The following CSMD1 variants were observed in gnomAD, a reference collection of about 807,000 sequenced individuals.
CSMD1 encodes the protein CUB and sushi domain-containing protein 1.
In CSMD1, 213 loss-of-function variants were observed where a neutral mutation model predicts 417.5. The ratio of observed to expected loss-of-function variants is 0.51; its 90% CI spans 0.46 to 0.57. CSMD1 has a LOEUF of 0.57. Among genes scored for constraint, CSMD1 ranks in the 20% least tolerant of loss-of-function variants. CSMD1 has a pLI of 0.00. For synonymous variants in CSMD1, 2,862 were observed against 1,736.8 expected (o/e 1.65, Z -16.11); for missense variants, 6,923 against 4,529.7 (o/e 1.53, Z -15.17).
chr8:3,192,374 A>G (rs1796476366), intron 33 of CSMD1, among the ~76,000 whole-genome samples: 1 of 152,172 alleles, frequency 6.6e-6, no homozygotes, highest in Non-Finnish European at 1.5e-5. Flanking sequence ...TAGGGATGGG[A>G]CCCAAGTCTA....
intron 5 of CSMD1, among the ~76,000 whole-genome samples, chr8:3,818,609 A>G (rs1801532402): frequency 6.6e-6 from 1 of 152,066 alleles, no homozygotes; most frequent in African/African-American, 2.4e-5. Flanking sequence ...GAAAAGGGAG[A>G]AACAGGGTCC....
intron 52 of CSMD1, among the ~76,000 whole-genome samples, chr8:3,017,264 T>A (rs1315725070): frequency 6.6e-6 from 1 of 152,138 alleles, no homozygotes; most frequent in East Asian, 1.9e-4. Context: ...GAAGAGCTTG[T>A]CCATATCAAA....
intron 10 of CSMD1, among the ~76,000 whole-genome samples, chr8:3,544,446 C>T (rs1337470441): frequency 6.6e-6 from 1 of 152,070 alleles, no homozygotes; most frequent in East Asian, 1.9e-4. Flanking sequence ...CTCTTACTCT[C>T]GGGAACGCCT....
intron 10 of CSMD1, among the ~76,000 whole-genome samples, chr8:3,517,267 T>C (rs751895727): frequency 4.6e-5 from 7 of 151,712 alleles, no homozygotes; most frequent in Non-Finnish European, 7.4e-5. Flanking sequence ...AGACACAGAG[T>C]TGTGAATCAC....
At chr8:3,001,324 G>T (rs1042124314) in intron 52 of CSMD1, among the ~76,000 whole-genome samples, 2 of 151,948 alleles carry the variant, frequency 1.3e-5, no homozygotes, top group Non-Finnish European at 2.9e-5. Context: ...TCCCTCTTCT[G>T]CCTCTTTACT....
chr8:4,186,356 C>A (rs560488164), intron 3 of CSMD1, among the ~76,000 whole-genome samples: 1 of 152,104 alleles, frequency 6.6e-6, no homozygotes, highest in Non-Finnish European at 1.5e-5. Context: ...TGGGCTGATT[C>A]CTATCTTCGT....
At position 4,441,678 on chromosome 8, in the gene CSMD1, C is replaced by G. The variant is rs73660811; in HGVS notation, c.303-21613G>C. ...GTCACATTTTTTTCTAAAATATTTA[C>G]AGGTATCTTTCAAATACCAATTAAA... is the stretch of plus-strand genomic sequence containing the variant. On this transcript the variant is annotated intron_variant, in intron 2 of 69. Coordinates refer to ENST00000635120, the MANE Select transcript of CSMD1 (RefSeq NM_033225.6). 7.5e-3 allele frequency among the ~76,000 whole-genome samples: 1,135 copies of G among 152,124 alleles called. 10 individuals carry two copies. Among genetic ancestry groups the G allele is most frequent in the African/African-American group, 0.026 (1,076 of 41,494 alleles).
intron 2 of CSMD1, among the ~76,000 whole-genome samples, chr8:4,439,551 G>A (rs949502469): frequency 2.0e-5 from 3 of 152,066 alleles, no homozygotes; most frequent in Admixed American, 6.6e-5. Flanking sequence ...TTTGAAGTAT[G>A]AGTTTACTAT....
At chr8:3,057,265 T>A (rs1185113819) in intron 49 of CSMD1, among the ~76,000 whole-genome samples, 2 of 152,212 alleles carry the variant, frequency 1.3e-5, no homozygotes, top group African/African-American at 4.8e-5. Context: ...GTTATTTTCC[T>A]CAATTTGAAT....
intron 50 of CSMD1, among the ~76,000 whole-genome samples, chr8:3,046,994 A>G (rs1199334807): frequency 1.3e-5 from 2 of 152,042 alleles, no homozygotes; most frequent in Non-Finnish European, 2.9e-5. Context: ...TGAATCATGA[A>G]GTCAGGAGTT....
intron 2 of CSMD1, among the ~76,000 whole-genome samples, chr8:4,444,043 A>T (rs1184117275): frequency 1.3e-5 from 2 of 152,126 alleles, no homozygotes; most frequent in Non-Finnish European, 2.9e-5. Flanking sequence ...TATCTTTGAG[A>T]AGAGTAAGAT....
At chr8:4,193,107 C>T (rs926611785) in intron 3 of CSMD1, among the ~76,000 whole-genome samples, 3 of 152,136 alleles carry the variant, frequency 2.0e-5, no homozygotes, top group African/African-American at 7.2e-5. Context: ...CTTAAATTTA[C>T]TTTGAATTCT....
At chr8:4,702,108 G>A (rs544476441) in intron 1 of CSMD1, among the ~76,000 whole-genome samples, 1 of 152,264 alleles carries the variant, frequency 6.6e-6, no homozygotes, top group East Asian at 1.9e-4. Flanking sequence ...GAGCCTGTCA[G>A]GGATGAGGTG....
intron 5 of CSMD1, among the ~76,000 whole-genome samples, chr8:3,987,170 C>G (rs995615066): frequency 4.6e-5 from 7 of 152,136 alleles, no homozygotes; most frequent in Admixed American, 3.9e-4. Flanking sequence ...GAAAGCAATC[C>G]AGTATATACA....
At chr8:4,080,202 C>G (rs778688211) in intron 3 of CSMD1, among the ~76,000 whole-genome samples, 1 of 152,038 alleles carries the variant, frequency 6.6e-6, no homozygotes, top group Non-Finnish European at 1.5e-5. Context: ...TTCTAGCTCC[C>G]CAGTAGTAAT....
chr8:3,343,146 C>A, intron 23 of CSMD1, 148 bp downstream of exon 23: 1 of 601,870 alleles, frequency 1.7e-6, no homozygotes. Context: ...GAATATACAA[C>A]CAGTCAACAG....
chr8:4,217,660 A>C (rs544996633), intron 3 of CSMD1, among the ~76,000 whole-genome samples: 1 of 149,962 alleles, frequency 6.7e-6, no homozygotes, highest in East Asian at 1.9e-4. Context: ...CCTCATCAGA[A>C]AAAAAAAAAA....
chr8:4,070,258 A>C (rs2552118), intron 3 of CSMD1, among the ~76,000 whole-genome samples: 11 of 152,244 alleles, frequency 7.2e-5, no homozygotes, highest in African/African-American at 2.6e-4. Context: ...CAAACATGCA[A>C]TTCAAACTCT....
chr8:3,535,115 AT>A (rs397953536), intron 10 of CSMD1, among the ~76,000 whole-genome samples: 4,403 of 147,500 alleles, frequency 0.03, 214 homozygotes, highest in African/African-American at 0.1. Context: ...GTCAGCTAAT[AT>A]TTTTTTTTTT....
Sources: allele counts gnomAD v4.1 joint callset (sites outside exome capture counted in the v4.1 genomes callset), GRCh38; gene constraint gnomAD v4.1.1; transcripts MANE v1.5; gene names NCBI Gene and HGNC (gene_info 2026-07-23, HGNC 2026-07-21).